Variants in CDH12 observed in about 807,000 individuals in gnomAD.
The protein encoded by CDH12 is cadherin 12.
In CDH12, 41 loss-of-function variants were observed where a neutral mutation model predicts 74.1. That is an observed-to-expected ratio of 0.55 (90% CI 0.43 to 0.72). The LOEUF (loss-of-function observed/expected upper bound fraction) is 0.72, where lower values mean the gene tolerates loss of function less well. Among genes scored for constraint, CDH12 ranks in the 30% least tolerant of loss-of-function variants. CDH12 has a pLI of 0.00. For synonymous variants in CDH12, 399 were observed against 355.0 expected (o/e 1.12, Z -1.39); for missense variants, 945 against 977.2 (o/e 0.97, Z 0.44).
At chr5:21,993,942 C>T (rs1196673145) in intron 5 of CDH12, among the ~76,000 whole-genome samples, 3 of 151,726 alleles carry the variant, frequency 2.0e-5, no homozygotes, top group African/African-American at 2.4e-5. Context: ...TTTTATTTCT[C>T]GGTTATGTGC....
Position 22,268,053 on chromosome 5 carries a change from C to A in CDH12, c.-332-55410G>T, listed in dbSNP as rs150885621. Among the ~76,000 whole-genome samples the A allele has an allele frequency of 9.5e-4, 144 of 152,224 alleles. 1 individual carries two copies. Among genetic ancestry groups the A allele is most frequent in the Middle Eastern group, 3.4e-3 (1 of 294 alleles). On this transcript the variant is annotated intron_variant, in intron 3 of 14. Transcript: ENST00000382254. ...GAAGTGGAACAATCTTCAATCACTCCTTTGGAATAATTAAAATATACATGG... is the reference window on the plus strand; with the variant it reads ...GAAGTGGAACAATCTTCAATCACTCATTTGGAATAATTAAAATATACATGG...
intron 6 of CDH12, among the ~76,000 whole-genome samples, chr5:21,974,098 C>T (rs911937359): frequency 6.6e-6 from 1 of 152,158 alleles, no homozygotes; most frequent in Non-Finnish European, 1.5e-5. Flanking sequence ...AGCTACTAAC[C>T]TGCTTCTGCC....
chr5:22,778,199 AGTTTGTTGTT>A (rs1278891114), intron 1 of CDH12, among the ~76,000 whole-genome samples: 2 of 152,184 alleles, frequency 1.3e-5, no homozygotes, highest in Admixed American at 6.5e-5. Context: ...GTTTTCATTC[AGTTTGTTGTT>A]GTTGTTGATG....
intron 1 of CDH12, among the ~76,000 whole-genome samples, chr5:22,690,569 G>C (rs1580891271): frequency 6.6e-6 from 1 of 152,148 alleles, no homozygotes; most frequent in Non-Finnish European, 1.5e-5. Context: ...AAGTCAAGGA[G>C]AGAAGGAGGA....
intron 5 of CDH12, among the ~76,000 whole-genome samples, chr5:22,023,781 A>T (rs2150164370): frequency 6.6e-6 from 1 of 152,300 alleles, no homozygotes; most frequent in African/African-American, 2.4e-5. Context: ...AAATACAACA[A>T]TGGCTTAACT....
At chr5:22,448,877 C>A (rs1744933363) in intron 2 of CDH12, among the ~76,000 whole-genome samples, 1 of 151,750 alleles carries the variant, frequency 6.6e-6, no homozygotes, top group South Asian at 2.1e-4. Flanking sequence ...TAGAAAAATG[C>A]TTTATGATTA....
intron 1 of CDH12, among the ~76,000 whole-genome samples, chr5:22,762,175 C>T (rs1746261877): frequency 6.6e-6 from 1 of 151,978 alleles, no homozygotes; most frequent in African/African-American, 2.4e-5. Context: ...TATGTACAAA[C>T]TCACATGCAT....
At chr5:22,664,829 A>T (rs2126903490) in intron 1 of CDH12, among the ~76,000 whole-genome samples, 2 of 152,346 alleles carry the variant, frequency 1.3e-5, no homozygotes, top group Middle Eastern at 6.8e-3. Context: ...TACACATACT[A>T]CTATGAATTC....
At chr5:22,569,438 A>G (rs917294048) in intron 1 of CDH12, among the ~76,000 whole-genome samples, 11 of 152,174 alleles carry the variant, frequency 7.2e-5, no homozygotes, top group African/African-American at 2.2e-4. Context: ...TGCTGATGCC[A>G]TGCTTCCTGT....
intron 1 of CDH12, among the ~76,000 whole-genome samples, chr5:22,781,809 G>T (rs901169178): frequency 6.6e-6 from 1 of 152,158 alleles, no homozygotes; most frequent in African/African-American, 2.4e-5. Flanking sequence ...AAATGGTAAA[G>T]ATAATTTTTC....
intron 4 of CDH12, chr5:22,141,584 T>C (rs895792127): frequency 3.9e-5 from 6 of 152,206 alleles, no homozygotes; most frequent in African/African-American, 1.4e-4. Flanking sequence ...CCGAATCTTT[T>C]GGGGTTTTTT....
intron 6 of CDH12, among the ~76,000 whole-genome samples, chr5:21,887,633 C>A (rs1283015836): frequency 6.6e-6 from 1 of 152,194 alleles, no homozygotes; most frequent in African/African-American, 2.4e-5. Flanking sequence ...AACATACCCC[C>A]TTCTTCAACT....
At chr5:22,387,520 G>C (rs530592096) in intron 3 of CDH12, among the ~76,000 whole-genome samples, 2 of 152,144 alleles carry the variant, frequency 1.3e-5, no homozygotes, top group South Asian at 4.1e-4. Context: ...CTTAATGACT[G>C]GTATTGACTT....
At chr5:21,753,768 A>AT (rs1744230817) in intron 14 of CDH12, among the ~76,000 whole-genome samples, 1 of 152,218 alleles carries the variant, frequency 6.6e-6, no homozygotes, top group Non-Finnish European at 1.5e-5. Flanking sequence ...AAGTATTTGG[A>AT]TAAATGAGTG....
At chr5:22,140,273 T>C (rs1746710842) in intron 4 of CDH12, among the ~76,000 whole-genome samples, 2 of 146,594 alleles carry the variant, frequency 1.4e-5, no homozygotes, top group Admixed American at 1.3e-4. Context: ...TTTCATACCA[T>C]AAAGTCAAGT....
intron 4 of CDH12, among the ~76,000 whole-genome samples, chr5:22,145,586 A>G (rs1232114012): frequency 6.6e-6 from 1 of 152,068 alleles, no homozygotes; most frequent in Admixed American, 6.6e-5. Context: ...ACAATATATC[A>G]ATTTTTTAAC....
chr5:22,287,911 T>C (rs1251019646), intron 3 of CDH12, among the ~76,000 whole-genome samples: 6 of 152,140 alleles, frequency 3.9e-5, no homozygotes, highest in Non-Finnish European at 7.4e-5. Context: ...CCATTTCCTT[T>C]TCTAAGATAT....
At chr5:22,571,322 C>T (rs553673951) in intron 1 of CDH12, among the ~76,000 whole-genome samples, 1 of 151,974 alleles carries the variant, frequency 6.6e-6, no homozygotes, top group South Asian at 2.1e-4. Context: ...TTAATCATCT[C>T]TAACTTTTCT....
intron 3 of CDH12, among the ~76,000 whole-genome samples, chr5:22,382,694 G>C (rs1406877077): frequency 6.6e-6 from 1 of 152,106 alleles, no homozygotes; most frequent in Non-Finnish European, 1.5e-5. Context: ...TCTTTAACCG[G>C]AAGCATCCCT....
Sources: gnomAD v4.1 joint callset for allele counts (sites outside exome capture counted in the v4.1 genomes callset) on GRCh38, gnomAD v4.1.1 for gene constraint, MANE v1.5 for transcripts, NCBI Gene and HGNC (gene_info 2026-07-23, HGNC 2026-07-21) for gene names.